Variants in CUX2 observed in about 807,000 individuals in gnomAD.
The protein encoded by CUX2 is cut like homeobox 2.
CUX2 carries 40 observed loss-of-function variants against 144.8 expected under a neutral mutation model. The observed-to-expected ratio is 0.28, with a 90% CI of 0.21 to 0.36. The LOEUF is 0.36. Among genes scored for constraint, CUX2 ranks in the 10% least tolerant of loss-of-function variants. The pLI is 1.00. For missense variants in CUX2, 1,615 were observed against 1,994.0 expected, an observed-to-expected ratio of 0.81 and a Z score of 3.62; for synonymous variants, 827 against 875.6, an observed-to-expected ratio of 0.94 and a Z score of 0.98.
At chr12:111,054,826 C>A (rs59357201) in intron 1 of CUX2, among the ~76,000 whole-genome samples, 6,036 of 152,248 alleles carry the variant, frequency 0.04, 418 homozygotes, top group African/African-American at 0.14. Context: ...GAAGTTTCAC[C>A]ATGTTGGCCA....
At chr12:111,319,071 T>C (rs1054823245) in intron 16 of CUX2, among the ~76,000 whole-genome samples, 1 of 151,588 alleles carries the variant, frequency 6.6e-6, no homozygotes, top group African/African-American at 2.4e-5. Flanking sequence ...CTCTACACTT[T>C]GGGAGGCTGA....
At chr12:111,069,561 T>TGC (rs1301461226) in intron 1 of CUX2, among the ~76,000 whole-genome samples, 1 of 146,770 alleles carries the variant, frequency 6.8e-6, no homozygotes, top group African/African-American at 2.6e-5. Flanking sequence ...TGCGCGCGCG[T>TGC]GTGTGTGTGT....
chr12:111,302,811 A>C (rs1886355736), intron 9 of CUX2, among the ~76,000 whole-genome samples: 1 of 150,840 alleles, frequency 6.6e-6, no homozygotes, highest in Non-Finnish European at 1.5e-5. Context: ...GAGGCAGGAG[A>C]ATTGCTTGAA....
chr12:111,279,843 GT>G (rs1885034906), intron 4 of CUX2, among the ~76,000 whole-genome samples: 1 of 152,248 alleles, frequency 6.6e-6, no homozygotes, highest in Admixed American at 6.5e-5. Context: ...TTAGCTGGGT[GT>G]GGTGGCACAT....
chr12:111,089,561 CTGT>C (rs1394974937), intron 1 of CUX2, among the ~76,000 whole-genome samples: 1 of 152,160 alleles, frequency 6.6e-6, no homozygotes, highest in Non-Finnish European at 1.5e-5. Context: ...TTCTGCTAGG[CTGT>C]TGGTTTTCTG....
chr12:111,047,765 G>A (rs927051776), intron 1 of CUX2, among the ~76,000 whole-genome samples: 3 of 152,236 alleles, frequency 2.0e-5, no homozygotes, highest in Non-Finnish European at 2.9e-5. Context: ...GCTGCTGGGT[G>A]TGGAAGGGCA....
chr12:111,173,211 T>C (rs1290023596), intron 1 of CUX2, among the ~76,000 whole-genome samples: 1 of 152,152 alleles, frequency 6.6e-6, no homozygotes, highest in Non-Finnish European at 1.5e-5. Context: ...GGCTGGTTCT[T>C]TGGTTGATGT....
chr12:111,201,740 C>G (rs1318476352), intron 1 of CUX2, among the ~76,000 whole-genome samples: 1 of 152,192 alleles, frequency 6.6e-6, no homozygotes, highest in Non-Finnish European at 1.5e-5. Flanking sequence ...TCCTGAGGTT[C>G]CCACAGACTT....
At chr12:111,299,576 G>C (rs1436264542) in intron 9 of CUX2, among the ~76,000 whole-genome samples, 1 of 152,204 alleles carries the variant, frequency 6.6e-6, no homozygotes, top group Admixed American at 6.5e-5. Context: ...GAAGGCCAAA[G>C]TCAGGGCTAG....
At chr12:111,167,924 C>T (rs1211993713) in intron 1 of CUX2, among the ~76,000 whole-genome samples, 1 of 152,086 alleles carries the variant, frequency 6.6e-6, no homozygotes, top group African/African-American at 2.4e-5. Flanking sequence ...GAACTCCTGA[C>T]CTCAAGTTAA....
At chr12:111,129,606 A>G (rs771123249) in intron 1 of CUX2, among the ~76,000 whole-genome samples, 1 of 152,272 alleles carries the variant, frequency 6.6e-6, no homozygotes, top group Non-Finnish European at 1.5e-5. Flanking sequence ...TGTCTTCTAC[A>G]TAGGCCAGAT....
chr12:111,123,510 A>T (rs963827801), intron 1 of CUX2, among the ~76,000 whole-genome samples: 5 of 150,756 alleles, frequency 3.3e-5, no homozygotes, highest in African/African-American at 4.9e-5. Context: ...TATGTGTTGG[A>T]TCACATGCAC....
chr12:111,298,130 C>T (rs1278683238), intron 8 of CUX2, among the ~76,000 whole-genome samples: 2 of 152,198 alleles, frequency 1.3e-5, no homozygotes, highest in African/African-American at 2.4e-5. Context: ...TCTCCCAAGC[C>T]CCTCCATGCT....
chr12:111,098,895 G>A (rs375037550), intron 1 of CUX2, among the ~76,000 whole-genome samples: 1 of 152,250 alleles, frequency 6.6e-6, no homozygotes, highest in South Asian at 2.1e-4. Context: ...AGGGGAAAGG[G>A]GGAGCACCGC....
At chr12:111,335,016 GC>G (rs1309008069) in intron 19 of CUX2, among the ~76,000 whole-genome samples, 1 of 151,018 alleles carries the variant, frequency 6.6e-6, no homozygotes, top group East Asian at 2.0e-4. Flanking sequence ...AATCGCGTGA[GC>G]CCAGGAGTTC....
At chr12:111,170,217 G>A in intron 1 of CUX2, among the ~76,000 whole-genome samples, 1 of 152,116 alleles carries the variant, frequency 6.6e-6, no homozygotes, top group East Asian at 1.9e-4. Context: ...ATCACCTGAG[G>A]TCGGGAGTTC....
intron 1 of CUX2, among the ~76,000 whole-genome samples, chr12:111,036,963 A>C (rs1356527332): frequency 6.7e-6 from 1 of 149,624 alleles, no homozygotes; most frequent in Non-Finnish European, 1.5e-5. Flanking sequence ...TAGGAGCCTA[A>C]GCACTTTGGC....
intron 1 of CUX2, among the ~76,000 whole-genome samples, chr12:111,072,818 C>T (rs1429242247): frequency 6.6e-6 from 1 of 152,208 alleles, no homozygotes; most frequent in East Asian, 1.9e-4. Context: ...CCCCCAACCC[C>T]AACTTCAGTG....
At chr12:111,297,024 C>T (rs998305708) in intron 8 of CUX2, among the ~76,000 whole-genome samples, 1 of 145,654 alleles carries the variant, frequency 6.9e-6, no homozygotes, top group African/African-American at 2.6e-5. Context: ...TCCCTCTGAC[C>T]CTCCCAGACA....
Sources: allele counts gnomAD v4.1 joint callset (sites outside exome capture counted in the v4.1 genomes callset), GRCh38; gene constraint gnomAD v4.1.1; transcripts MANE v1.5; gene names NCBI Gene and HGNC (gene_info 2026-07-23, HGNC 2026-07-21).